UGT1A8: variants seen among roughly 807,000 people sequenced by gnomAD.
UGT1A8 encodes UDP-glucuronosyltransferase 1A8.
UGT1A8 carries 39 observed loss-of-function variants against 45.3 expected under a neutral mutation model. The ratio of observed to expected loss-of-function variants is 0.86; its 90% CI spans 0.67 to 1.12. UGT1A8 has a LOEUF of 1.12. UGT1A8 is among the 50% of genes most tolerant of loss of function. The pLI is 0.00. For synonymous variants in UGT1A8, 275 were observed against 249.2 expected, an observed-to-expected ratio of 1.10 and a Z score of -0.97; for missense variants, 719 against 664.9, an observed-to-expected ratio of 1.08 and a Z score of -0.90.
chr2:233,754,735 A>C, intron 1 of UGT1A8: 1 of 652,450 alleles, frequency 1.5e-6, no homozygotes, highest in South Asian at 1.5e-5. Flanking sequence ...TCACTACCGT[A>C]GGACATGCAG....
At chr2:233,640,256 C>G (rs2073416113) in intron 1 of UGT1A8, among the ~76,000 whole-genome samples, 3 of 152,208 alleles carry the variant, frequency 2.0e-5, no homozygotes, top group African/African-American at 7.2e-5. Context: ...TATATCAATC[C>G]TTAGGCTAAA....
intron 1 of UGT1A8, among the ~76,000 whole-genome samples, chr2:233,687,636 C>CTAA (rs2125537865): frequency 6.7e-6 from 1 of 150,176 alleles, no homozygotes; most frequent in African/African-American, 2.4e-5. Flanking sequence ...AGTGTGGTGG[C>CTAA]TCACACATGT....
chr2:233,665,479 T>C (rs2074056577), intron 1 of UGT1A8, among the ~76,000 whole-genome samples: 1 of 152,212 alleles, frequency 6.6e-6, no homozygotes, highest in Non-Finnish European at 1.5e-5. Flanking sequence ...AGTAGTGCCT[T>C]GTACACTTTT....
chr2:233,651,281 T>C lies in UGT1A8; in HGVS notation c.855+32719T>C, dbSNP rs531844752. The stretch of plus-strand genomic sequence containing the variant: ...CTTCCTGAACCCACACTGAGTTCCT[T>C]GTGGCTCACAGGGTCACCCAGAGGG... On this transcript the variant is annotated intron_variant, in intron 1 of 4. Coordinates refer to ENST00000373450, the MANE Select transcript of UGT1A8 (RefSeq NM_019076.5). Among the ~76,000 whole-genome samples the C allele has an allele frequency of 5.9e-5, 9 of 152,286 alleles. No homozygotes were observed. In the East Asian group the frequency reaches 1.5e-3, roughly 26 times the overall value.
At chr2:233,747,818 A>C in intron 1 of UGT1A8, 1 of 1,613,506 alleles carries the variant, frequency 6.2e-7, no homozygotes, top group Non-Finnish European at 8.5e-7. Flanking sequence ...CGACCAATTC[A>C]GACCACATGA....
intron 1 of UGT1A8, among the ~76,000 whole-genome samples, chr2:233,633,477 C>G (rs1418098657): frequency 6.6e-6 from 1 of 152,186 alleles, no homozygotes; most frequent in Non-Finnish European, 1.5e-5. Context: ...ATTACTGCCT[C>G]AATTTCAAAA....
At chr2:233,751,693 G>A (rs1694787580) in intron 1 of UGT1A8, among the ~76,000 whole-genome samples, 1 of 152,146 alleles carries the variant, frequency 6.6e-6, no homozygotes, top group Non-Finnish European at 1.5e-5. Flanking sequence ...GGTTTTATAA[G>A]GGGCTCTTCC....
At chr2:233,632,740 A>T (rs2073214470) in intron 1 of UGT1A8, among the ~76,000 whole-genome samples, 1 of 152,152 alleles carries the variant, frequency 6.6e-6, no homozygotes, top group African/African-American at 2.4e-5. Context: ...GACTGAGATG[A>T]TGGGGTTTTC....
rs34903743 is a variant in UGT1A8 at position 233,767,311 on chromosome 2, T to G, written c.987+146T>G. 5,888 of 1,514,258 alleles carry G rather than the reference T, an allele frequency of 3.9e-3. 20 individuals carry two copies. Among genetic ancestry groups the G allele is most frequent in the Admixed American group, 4.9e-3 (211 of 43,394 alleles). The allele number at this position is 1,514,258 out of a possible 1,614,324, so 93.8% of individuals were successfully genotyped here. A position where few individuals can be genotyped will look rare whatever the true frequency, so the allele number is the denominator to read the frequency against. On this transcript the variant is annotated intron_variant, in intron 2 of 4. Coordinates refer to ENST00000373450, the MANE Select transcript of UGT1A8 (RefSeq NM_019076.5). Reference sequence around the variant, plus strand: ...CCCAACTATTAATCCAAAGGTTTTTTTTGTTGTTGTGGTTGTTGTCATTGT... The same window carrying G: ...CCCAACTATTAATCCAAAGGTTTTTGTTGTTGTTGTGGTTGTTGTCATTGT...
intron 1 of UGT1A8, among the ~76,000 whole-genome samples, chr2:233,749,475 A>G (rs1280594340): frequency 1.3e-5 from 2 of 151,882 alleles, no homozygotes; most frequent in Non-Finnish European, 2.9e-5. Flanking sequence ...TGTGGCACAG[A>G]TCACTCTTGC....
intron 1 of UGT1A8, chr2:233,648,703 A>G: frequency 2.5e-6 from 1 of 402,186 alleles, no homozygotes; most frequent in South Asian, 2.5e-5. Context: ...TAACCTCGTG[A>G]TCCGCCCGCC....
intron 1 of UGT1A8, chr2:233,717,696 GGA>G: frequency 2.2e-6 from 1 of 445,086 alleles, no homozygotes; most frequent in Non-Finnish European, 4.6e-6. Flanking sequence ...GTGACTTTCT[GGA>G]GCAGGACGAG....
At chr2:233,687,583 TAAAAAAA>T (rs71398794) in intron 1 of UGT1A8, among the ~76,000 whole-genome samples, 8 of 107,466 alleles carry the variant, frequency 7.4e-5, no homozygotes, top group Non-Finnish European at 1.1e-4. Flanking sequence ...ACATTCTTTG[TAAAAAAA>T]AAAAAAAAAA....
chr2:233,704,764 C>T (rs183614889), intron 1 of UGT1A8, among the ~76,000 whole-genome samples: 5 of 152,192 alleles, frequency 3.3e-5, no homozygotes, highest in East Asian at 1.9e-4. Flanking sequence ...AAATATATTA[C>T]GCTTCCATAT....
intron 1 of UGT1A8, among the ~76,000 whole-genome samples, chr2:233,707,826 T>C (rs1049405798): frequency 1.3e-5 from 2 of 152,232 alleles, no homozygotes; most frequent in African/African-American, 2.4e-5. Context: ...ATATCATTAA[T>C]TTAATAAGAT....
At chr2:233,620,028 C>T (rs1327022221) in intron 1 of UGT1A8, among the ~76,000 whole-genome samples, 1 of 152,098 alleles carries the variant, frequency 6.6e-6, no homozygotes, top group African/African-American at 2.4e-5. Flanking sequence ...TGTCTCATCT[C>T]ATTATATTAT....
At chr2:233,672,932 C>T (rs45554333) in intron 1 of UGT1A8, 16,585 of 1,450,472 alleles carry the variant, frequency 0.011, 227 homozygotes, top group Admixed American at 0.04. Flanking sequence ...TGTGCCAATG[C>T]GTGTACTCGT....
intron 1 of UGT1A8, among the ~76,000 whole-genome samples, chr2:233,696,259 G>A (rs1003470757): frequency 2.0e-5 from 3 of 152,170 alleles, no homozygotes; most frequent in Non-Finnish European, 4.4e-5. Context: ...ACACATCAGT[G>A]AATGAATGGA....
intron 1 of UGT1A8, chr2:233,689,861 TA>T (rs2074963231): frequency 2.2e-6 from 1 of 456,300 alleles, no homozygotes; most frequent in Non-Finnish European, 4.4e-6. Context: ...AGGCTACTAT[TA>T]CCTTCTTGCT....
Sources: gnomAD v4.1 joint callset for allele counts (sites outside exome capture counted in the v4.1 genomes callset) on GRCh38, gnomAD v4.1.1 for gene constraint, MANE v1.5 for transcripts, NCBI Gene and HGNC (gene_info 2026-07-23, HGNC 2026-07-21) for gene names.